NFS1: variants seen among roughly 807,000 people sequenced by gnomAD.
The protein encoded by NFS1 is NFS1 cysteine desulfurase.
NFS1 carries 26 observed loss-of-function variants against 57.3 expected under a neutral mutation model. That is an observed-to-expected ratio of 0.45 (90% CI 0.33 to 0.63). NFS1 has a LOEUF of 0.63. Ranked by LOEUF, NFS1 falls within the 20% of genes least tolerant of loss-of-function variation. The probability of loss-of-function intolerance (pLI) is 0.02; values close to 1 mark genes in which losing one functional copy is unlikely to be tolerated. For missense variants in NFS1, 505 were observed against 605.8 expected, an observed-to-expected ratio of 0.83 and a Z score of 1.75; for synonymous variants, 209 against 216.3, an observed-to-expected ratio of 0.97 and a Z score of 0.30.
rs759222232 is a variant in NFS1, at chr20:35,697,774, G to C, written c.234C>G (p.Leu78=). The stretch of plus-strand genomic sequence containing the variant: ...TCCCATAGTAGTTGATTAGGTAAGG[G>C]AGCATGGCATCAAGCACCCGGGGGT... The part of the protein sequence containing the change: ...PLDPRVLDAM[L]PYLINYYGNP... Residue 78 remains leucine (L), a synonymous_variant, in exon 3 of 13, where the codon CTC becomes CTG. Coordinates refer to ENST00000374092, the MANE Select transcript of NFS1 (RefSeq NM_021100.5). 1 of 1,613,698 alleles carries C rather than the reference G, an allele frequency of 6.2e-7. No homozygotes were observed. Among genetic ancestry groups the C allele is most frequent in the Non-Finnish European group, 8.5e-7 (1 of 1,179,868 alleles).
At chr20:35,674,182 CT>C (rs2146412771) in intron 10 of NFS1, 167 bp downstream of exon 10, 1 of 629,318 alleles carries the variant, frequency 1.6e-6, no homozygotes, top group African/African-American at 1.8e-5. Flanking sequence ...AAACTTCAGT[CT>C]GTACCCAGCT....
rs528178986 is a variant in NFS1 at position 35,674,463 on chromosome 20, C to CA, written c.1055-33dup. On this transcript the variant is annotated intron_variant, in intron 9 of 12. Transcript: ENST00000374092. The stretch of plus-strand genomic sequence containing the variant: ...GAAAGAAATACTGTGAGAGAGGTCT[C>CA]AGAGTCTCAGCCTCTACCAGAATGA... The CA allele has an allele frequency of 2.9e-4, 472 of 1,611,750 alleles. No individual in the cohort carries two copies. The African/African-American group carries it at 5.7e-3, about 20-fold the overall frequency.
chr20:35,696,524 C>G, intron 3 of NFS1, 64 bp from the exon 4 acceptor site: 1 of 1,243,152 alleles, frequency 8.0e-7, no homozygotes, highest in South Asian at 1.2e-5. Context: ...GCTGCAGACA[C>G]AGGTGGGACA....
Position 35,699,222 on chromosome 20 carries a change from C to T in NFS1, c.67G>A (p.Ala23Thr), listed in dbSNP as rs1458089692. The T allele has an allele frequency of 7.0e-7, 1 of 1,427,560 alleles. No homozygotes were observed. The highest frequency in any genetic ancestry group is 1.5e-5 in the South Asian group (1 of 68,962). 88.4% of individuals were successfully genotyped at this position (1,427,560 alleles called of 1,614,324 possible). The change falls in exon 1 of 13, where the codon GCG (alanine) becomes ACG (threonine). Residue 23 changes from alanine (A) to threonine (T), a missense_variant. Transcript: ENST00000374092. This position sits in a 1 kb window ranked among gnomAD's most constrained non-coding sequence, Gnocchi z 4.4. ...AGGCGCAGCCCCCGAGTGGGCGCCG[C>T]GGGCTTCGGCCCTGGAGCCGCTGTC... Reference protein sequence around the residue: ...AVTAAPGPKPAAPTRGLRLRV... With the variant: ...AVTAAPGPKPTAPTRGLRLRV...
At chr20:35,672,936 A>G (rs2034681692) in intron 11 of NFS1, 92 bp from the exon 12 acceptor site, 8 of 733,934 alleles carry the variant, frequency 1.1e-5, no homozygotes, top group African/African-American at 1.8e-5. Flanking sequence ...TCTACGACAC[A>G]AAAGATATGG....
chr20:35,675,303 T>C (rs1469574526), intron 7 of NFS1, 101 bp from the exon 8 acceptor site: 2 of 1,267,108 alleles, frequency 1.6e-6, no homozygotes, highest in Non-Finnish European at 2.1e-6. Flanking sequence ...AACTTTTCTG[T>C]AAGCATGAAA....
chr20:35,670,421 G>T (rs553299724), intron 12 of NFS1, among the ~76,000 whole-genome samples: 12 of 152,344 alleles, frequency 7.9e-5, no homozygotes, highest in African/African-American at 2.9e-4. Flanking sequence ...TATTACTTCA[G>T]TGTGCTATGA....
At chr20:35,691,861 G>A (rs1054399423) in intron 4 of NFS1, among the ~76,000 whole-genome samples, 2 of 149,450 alleles carry the variant, frequency 1.3e-5, no homozygotes, top group African/African-American at 2.5e-5. Flanking sequence ...CCAGCCTGAC[G>A]AACATGGTGG....
rs753264672 is a variant in NFS1, at chr20:35,680,844, T to C, written c.683A>G (p.Tyr228Cys). ...AGCCTGGGCTGCATCAGTATGGAAA[T>C]ATACCTTTCTGGAACTGCAAATCCG... ...IGRICSSRKV[Y>C]FHTDAAQAVG... Residue 228 changes from tyrosine to cysteine, a missense_variant, in exon 7 of 13, where the codon TAT becomes TGT. Tyr to Cys is a radical substitution (Grantham distance 194). Coordinates refer to ENST00000374092, the MANE Select transcript of NFS1 (RefSeq NM_021100.5). 5 of 1,553,292 alleles carry C rather than the reference T, an allele frequency of 3.2e-6. No individual in the cohort carries two copies. The Admixed American group carries it at 9.9e-5, about 31-fold the overall frequency.
rs1415151111 is a variant in NFS1, at chr20:35,669,016, A to G, written c.*606T>C. The G allele has an allele frequency of 6.6e-6, 1 of 152,240 alleles. No homozygotes were observed. The highest frequency in any genetic ancestry group is 2.1e-4 in the South Asian group (1 of 4,836). The allele number at this position is 152,240 out of a possible 1,614,324, so 9.4% of individuals were successfully genotyped here. A position where few individuals can be genotyped will look rare whatever the true frequency, so the allele number is the denominator to read the frequency against. Reference sequence around the variant, plus strand: ...AGTCTTGAAATTAACAATTTTCAAGAAAACAAATTATTAGAATAACTGGTG... The same window carrying G: ...AGTCTTGAAATTAACAATTTTCAAGGAAACAAATTATTAGAATAACTGGTG... On this transcript the variant is annotated 3_prime_UTR_variant, in exon 13 of 13. Transcript: ENST00000374092.
intron 5 of NFS1, among the ~76,000 whole-genome samples, chr20:35,685,898 A>G (rs1241899060): frequency 2.0e-5 from 3 of 149,254 alleles, no homozygotes; most frequent in Non-Finnish European, 4.5e-5. Context: ...CAGGGGTAAA[A>G]CTCCATGACC....
chr20:35,682,892 C>A (rs545737132), intron 5 of NFS1: 1 of 160,714 alleles, frequency 6.2e-6, no homozygotes, highest in Admixed American at 6.5e-5. Flanking sequence ...TCCTGGCTAA[C>A]ACAGTGAAAC....
At chr20:35,690,113 G>A (rs1274680193) in intron 5 of NFS1, among the ~76,000 whole-genome samples, 2 of 151,636 alleles carry the variant, frequency 1.3e-5, no homozygotes, top group Admixed American at 6.6e-5. Flanking sequence ...ATAAAAAAAA[G>A]AAGTAACAAG....
chr20:35,672,697 C>T, intron 12 of NFS1, 58 bp downstream of exon 12: 1 of 1,211,366 alleles, frequency 8.3e-7, no homozygotes. Flanking sequence ...AGCCTAAGGA[C>T]AAGAGGGGAG....
chr20:35,698,642 C>A (rs971462102), intron 1 of NFS1, 52 bp from the exon 2 acceptor site: 2 of 1,530,692 alleles, frequency 1.3e-6, no homozygotes, highest in Non-Finnish European at 8.8e-7. Context: ...CAACTATGAA[C>A]GCATGGCATC....
chr20:35,678,507 G>C (rs1202570972), intron 7 of NFS1, among the ~76,000 whole-genome samples: 1 of 143,590 alleles, frequency 7.0e-6, no homozygotes, highest in Non-Finnish European at 1.5e-5. Flanking sequence ...CAGCCTGGGG[G>C]ACAAGAGCGA....
At position 35,672,958 on chromosome 20, in the gene NFS1, T is replaced by A. The variant is rs73277231; in HGVS notation, c.1221-114A>T. 2,411 of 659,448 alleles carry A rather than the reference T, an allele frequency of 3.7e-3. 36 individuals are homozygous for A. Among genetic ancestry groups the A allele is most frequent in the African/African-American group, 0.035 (1,924 of 54,464 alleles). 40.8% of individuals were successfully genotyped at this position (659,448 alleles called of 1,614,324 possible). The stretch of plus-strand genomic sequence containing the variant: ...CACAAAAGATATGGAGAGAAGAACA[T>A]GGTCCTTCCCCTTTAGGCAGAGTTT... On this transcript the variant is annotated intron_variant, in intron 11 of 12. Transcript: ENST00000374092.
chr20:35,674,955 A>T (rs2034715665), intron 8 of NFS1, 90 bp downstream of exon 8: 4 of 1,549,216 alleles, frequency 2.6e-6, no homozygotes, highest in Admixed American at 1.7e-5. Flanking sequence ...CTCTCCCTGC[A>T]GAGATCTGCC....
Position 35,696,407 on chromosome 20 carries a change from A to G in NFS1, c.378T>C (p.Gly126=). 1 of 1,613,962 alleles carries G rather than the reference A, an allele frequency of 6.2e-7. No homozygotes were observed. Among genetic ancestry groups the G allele is most frequent in the Non-Finnish European group, 8.5e-7 (1 of 1,179,844 alleles). ...ADPREIIFTS[G]ATESNNIAIK... The stretch of plus-strand genomic sequence containing the variant: ...TTGCTATGTTGTTGGATTCAGTAGC[A>G]CCACTAGTAAAAATGATCTCACGAG... The change falls in exon 4 of 13, where the codon GGT becomes GGC. Residue 126 remains glycine, a synonymous_variant. Coordinates refer to ENST00000374092, the MANE Select transcript of NFS1 (RefSeq NM_021100.5).
Sources: allele counts gnomAD v4.1 joint callset (sites outside exome capture counted in the v4.1 genomes callset), GRCh38; gene constraint gnomAD v4.1.1; non-coding constraint Gnocchi (gnomAD v3.1); transcripts MANE v1.5; gene names NCBI Gene and HGNC (gene_info 2026-07-23, HGNC 2026-07-21).